C12orf42: variants seen among roughly 807,000 people sequenced by gnomAD.
C12orf42 encodes chromosome 12 open reading frame 42, also known as uncharacterized protein C12orf42.
C12orf42 carries 25 observed loss-of-function variants against 21.6 expected under a neutral mutation model. The observed-to-expected ratio is 1.16, with a 90% confidence interval of 0.84 to 1.62. The LOEUF is 1.62. Among genes scored for constraint, C12orf42 ranks in the 40% most tolerant of loss-of-function variants. The pLI is 0.00. For synonymous variants in C12orf42, 174 were observed against 175.0 expected (o/e 0.99, Z 0.05); for missense variants, 483 against 459.3 (o/e 1.05, Z -0.47).
chr12:103,362,204 T>C (rs13377603), intron 4 of C12orf42, among the ~76,000 whole-genome samples: 2 of 152,136 alleles, frequency 1.3e-5, no homozygotes, highest in Non-Finnish European at 2.9e-5. Flanking sequence ...CAACCCTTAT[T>C]ACCAGCCTGG....
At chr12:103,557,123 T>C in the C12orf42 span, among the ~76,000 whole-genome samples, 1 of 152,114 alleles carries the variant, frequency 6.6e-6, no homozygotes, top group African/African-American at 2.4e-5. Flanking sequence ...TAGTACAGTG[T>C]CCAAGAGGAA....
At chr12:103,184,772 A>G in the C12orf42 span, among the ~76,000 whole-genome samples, 1 of 137,138 alleles carries the variant, frequency 7.3e-6, no homozygotes, top group African/African-American at 2.7e-5. Context: ...GCATGTGACT[A>G]TATTTAAAGA....
At chr12:103,331,911 A>T (rs905102536) in intron 4 of C12orf42, among the ~76,000 whole-genome samples, 2 of 152,184 alleles carry the variant, frequency 1.3e-5, no homozygotes, top group Non-Finnish European at 2.9e-5. Flanking sequence ...TAGAACAAGG[A>T]AGAGTTGGTT....
chr12:103,193,135 C>T, the C12orf42 span, among the ~76,000 whole-genome samples: 1 of 152,052 alleles, frequency 6.6e-6, no homozygotes, highest in East Asian at 1.9e-4. Flanking sequence ...ACACATTCAT[C>T]AATAACCAAT....
At chr12:103,360,237 G>A (rs2043968978) in intron 4 of C12orf42, among the ~76,000 whole-genome samples, 1 of 150,550 alleles carries the variant, frequency 6.6e-6, no homozygotes, top group African/African-American at 2.4e-5. Context: ...AACCAACCTA[G>A]CTATGGCTCT....
At chr12:103,205,322 CAT>C in the C12orf42 span, among the ~76,000 whole-genome samples, 1 of 131,964 alleles carries the variant, frequency 7.6e-6, no homozygotes, top group Admixed American at 7.5e-5. Flanking sequence ...CACAGTTCCA[CAT>C]GCCTGGGGAA....
chr12:103,214,859 C>A, the C12orf42 span, among the ~76,000 whole-genome samples: 1 of 152,098 alleles, frequency 6.6e-6, no homozygotes, highest in South Asian at 2.1e-4. Flanking sequence ...CATCACCATC[C>A]CCTGACATCC....
the C12orf42 span, among the ~76,000 whole-genome samples, chr12:103,216,866 G>A: frequency 4.7e-5 from 7 of 150,392 alleles, no homozygotes; most frequent in East Asian, 2.0e-4. Context: ...TTTTTGAGAT[G>A]GAGTCCCGCT....
At chr12:103,520,316 C>A in the C12orf42 span, among the ~76,000 whole-genome samples, 1 of 152,108 alleles carries the variant, frequency 6.6e-6, no homozygotes, top group South Asian at 2.1e-4. Flanking sequence ...CTGTGAAATA[C>A]CTCCTGTGTG....
the C12orf42 span, among the ~76,000 whole-genome samples, chr12:103,116,243 A>C: frequency 6.6e-6 from 1 of 151,952 alleles, no homozygotes; most frequent in African/African-American, 2.4e-5. Context: ...ACATGCCTAT[A>C]ATCCCAGCTA....
intron 3 of C12orf42, among the ~76,000 whole-genome samples, chr12:103,374,908 T>C (rs2045565779): frequency 6.6e-6 from 1 of 152,236 alleles, no homozygotes; most frequent in African/African-American, 2.4e-5. Flanking sequence ...CACTTTGTCT[T>C]AGTTGGCATC....
the C12orf42 span, chr12:103,168,340 A>G: frequency 8.9e-5 from 25 of 281,556 alleles, no homozygotes; most frequent in Non-Finnish European, 1.7e-4. Flanking sequence ...CAGATAACAT[A>G]TTTAAGAGCC....
chr12:103,078,335 G>A, the C12orf42 span, among the ~76,000 whole-genome samples: 1 of 152,132 alleles, frequency 6.6e-6, no homozygotes, highest in South Asian at 2.1e-4. Context: ...AAGCATCAAA[G>A]TTTATGGTTT....
At chr12:103,355,983 G>A (rs1470850955) in intron 4 of C12orf42, among the ~76,000 whole-genome samples, 1 of 152,046 alleles carries the variant, frequency 6.6e-6, no homozygotes. Flanking sequence ...AATCCTAGGA[G>A]TTAGATATTA....
intron 2 of C12orf42, among the ~76,000 whole-genome samples, chr12:103,421,339 G>A (rs755607225): frequency 2.6e-5 from 4 of 152,146 alleles, no homozygotes; most frequent in Non-Finnish European, 4.4e-5. Context: ...GGAGACCAAG[G>A]CGGGAGAATC....
chr12:103,224,131 A>G, the C12orf42 span, among the ~76,000 whole-genome samples: 1 of 152,180 alleles, frequency 6.6e-6, no homozygotes, highest in East Asian at 1.9e-4. Flanking sequence ...CTATCCAGTG[A>G]AAGTATCTAC....
At chr12:103,482,100 T>C (rs1954514170) in intron 1 of C12orf42, among the ~76,000 whole-genome samples, 1 of 152,230 alleles carries the variant, frequency 6.6e-6, no homozygotes, top group South Asian at 2.1e-4. Context: ...ATTGTTCTAA[T>C]TTTTTGCAGT....
At chr12:103,237,244 T>C (rs1352734905), downstream of C12orf42, among the ~76,000 whole-genome samples, 1 of 152,160 alleles carries the variant, frequency 6.6e-6, no homozygotes. Context: ...TGGGCTTGAA[T>C]GTCTAGTCTT....
intron 6 of C12orf42, among the ~76,000 whole-genome samples, chr12:103,269,505 C>G (rs746943613): frequency 1.3e-5 from 2 of 152,090 alleles, no homozygotes; most frequent in African/African-American, 2.4e-5. Context: ...ATTAATATCC[C>G]CTGCCTTCAG....
Sources: allele counts gnomAD v4.1 joint callset (sites outside exome capture counted in the v4.1 genomes callset), GRCh38; gene constraint gnomAD v4.1.1; transcripts MANE v1.5; gene names NCBI Gene and HGNC (gene_info 2026-07-23, HGNC 2026-07-21).